ASIC1: variants seen among roughly 807,000 people sequenced by gnomAD.
The protein encoded by ASIC1 is acid sensing ion channel subunit 1.
A neutral mutation model predicts 63.4 loss-of-function variants in ASIC1; 21 were observed. The ratio of observed to expected loss-of-function variants is 0.33; its 90% CI spans 0.23 to 0.48. ASIC1 has a LOEUF of 0.48. Among genes scored for constraint, ASIC1 ranks in the 20% least tolerant of loss-of-function variants. The probability of loss-of-function intolerance (pLI) is 0.99; values close to 1 mark genes in which losing one functional copy is unlikely to be tolerated. For synonymous variants in ASIC1, 258 were observed against 278.2 expected (o/e 0.93, Z 0.72); for missense variants, 478 against 695.5 (o/e 0.69, Z 3.52).
chr12:50,073,479 G>T (rs2137833595), intron 3 of ASIC1: 1 of 1,429,028 alleles, frequency 7.0e-7, no homozygotes, highest in East Asian at 2.5e-5. Flanking sequence ...CTGACGGGCT[G>T]GGTGGCTGGC....
rs752201289 is a variant in ASIC1 at position 50,074,114 on chromosome 12, G to A, written c.559-3099G>A. On this transcript the variant is annotated intron_variant, in intron 3 of 11. Coordinates refer to ENST00000447966, the MANE Select transcript of ASIC1 (RefSeq NM_001095.4). The surrounding 1 kb of genome is among the most constrained non-coding windows in gnomAD (Gnocchi z 4.2). Reference sequence around the variant, plus strand: ...CCCGGGGTGCCCCTCGCTCCACCGGGCCCTGAGGCCTTCTCTGGGGAGCCC... The same window carrying A: ...CCCGGGGTGCCCCTCGCTCCACCGGACCCTGAGGCCTTCTCTGGGGAGCCC... The A allele has an allele frequency of 1.3e-4, 204 of 1,535,612 alleles. 1 individual carries two copies. The highest frequency in any genetic ancestry group is 8.3e-4 in the Middle Eastern group (5 of 6,006).
Position 50,078,815 on chromosome 12 carries a change from C to G in ASIC1, c.995-109C>G. On this transcript the variant is annotated intron_variant, in intron 6 of 11. Coordinates refer to ENST00000447966, the MANE Select transcript of ASIC1 (RefSeq NM_001095.4). The surrounding 1 kb of genome is among the most constrained non-coding windows in gnomAD (Gnocchi z 6.0). ...TGGGGCAGCATGGGGGCCTGCCAGT[C>G]CTCCCTTCCCATCTTCTCCCAGCTT... The G allele has an allele frequency of 7.2e-7, 1 of 1,390,666 alleles. No individual in the cohort carries two copies. The highest frequency in any genetic ancestry group is 1.0e-6 in the Non-Finnish European group (1 of 980,348). 86.1% of individuals were successfully genotyped at this position (1,390,666 alleles called of 1,614,324 possible).
chr12:50,078,880 C>G lies in ASIC1; in HGVS notation c.995-44C>G. ...TTTGGTACTACCACCATCACCAGAC[C>G]CCTTGAATTCCCATCCTGCATCATT... is the stretch of plus-strand genomic sequence containing the variant. On this transcript the variant is annotated intron_variant, in intron 6 of 11. Transcript: ENST00000447966. This position sits in a 1 kb window ranked among gnomAD's most constrained non-coding sequence, Gnocchi z 6.0. 6.3e-7 allele frequency: 1 copy of G among 1,593,552 alleles called. No individual in the cohort carries two copies. Among genetic ancestry groups the G allele is most frequent in the South Asian group, 1.1e-5 (1 of 90,624 alleles).
intron 3 of ASIC1, among the ~76,000 whole-genome samples, chr12:50,063,834 A>G (rs1390614540): frequency 6.6e-6 from 1 of 152,140 alleles, no homozygotes; most frequent in African/African-American, 2.4e-5. Context: ...AGCAAGAGCC[A>G]GGACTAGCAT....
chr12:50,062,963 G>A (rs529567679), intron 3 of ASIC1, among the ~76,000 whole-genome samples: 3 of 152,268 alleles, frequency 2.0e-5, no homozygotes, highest in South Asian at 2.1e-4. Flanking sequence ...GAAATCCTTC[G>A]GGACTGAAGA....
At chr12:50,081,048 G>C in intron 9 of ASIC1, 54 bp from the exon 10 acceptor site, 8 of 1,487,310 alleles carry the variant, frequency 5.4e-6, no homozygotes, top group Non-Finnish European at 7.3e-6. Context: ...AGTAAACCCT[G>C]CTGCCCCCAC....
intron 3 of ASIC1, among the ~76,000 whole-genome samples, chr12:50,060,908 T>C (rs1176691741): frequency 6.6e-6 from 1 of 152,200 alleles, no homozygotes; most frequent in African/African-American, 2.4e-5. Flanking sequence ...CTCAATCCCC[T>C]TGATACATAA....
intron 9 of ASIC1, chr12:50,080,795 G>A (rs1950707610): frequency 1.4e-6 from 2 of 1,404,604 alleles, no homozygotes; most frequent in Admixed American, 4.0e-5. Context: ...AGACAGGCCT[G>A]TGGGCATGAG....
chr12:50,062,124 G>T (rs1950506325), intron 3 of ASIC1, among the ~76,000 whole-genome samples: 1 of 152,136 alleles, frequency 6.6e-6, no homozygotes, highest in Admixed American at 6.5e-5. Flanking sequence ...CATGTCAAGA[G>T]CTCTACCCAT....
In ASIC1 at chr12:50,080,481, C is replaced by A; in HGVS notation, c.1206-17C>A. On this transcript the variant is annotated splice_polypyrimidine_tract_variant and intron_variant, in intron 8 of 11. Coordinates refer to ENST00000447966, the MANE Select transcript of ASIC1 (RefSeq NM_001095.4). ...ATATGACTTGAACCTAGGTCTCCTC[C>A]CCCAATCCCTGTGCAGGGAGAACAT... The A allele has an allele frequency of 6.2e-7, 1 of 1,612,530 alleles. No individual in the cohort carries two copies. Among genetic ancestry groups the A allele is most frequent in the South Asian group, 1.1e-5 (1 of 90,892 alleles).
intron 4 of ASIC1, 120 bp from the exon 5 acceptor site, chr12:50,077,879 TC>T (rs1302277019): frequency 1.4e-6 from 2 of 1,447,406 alleles, no homozygotes; most frequent in African/African-American, 2.8e-5. Context: ...CCTATAGACT[TC>T]CCCCACCCCA....
At chr12:50,073,860 G>A (rs1289861303) in intron 3 of ASIC1, 1 of 1,531,866 alleles carries the variant, frequency 6.5e-7, no homozygotes, top group Non-Finnish European at 8.7e-7. Flanking sequence ...AGGTGCTGTG[G>A]GCGGTGGCCT....
intron 3 of ASIC1, among the ~76,000 whole-genome samples, chr12:50,069,408 C>T (rs1261556631): frequency 6.6e-6 from 1 of 152,100 alleles, no homozygotes; most frequent in Non-Finnish European, 1.5e-5. Context: ...AGTCTCATGC[C>T]TCAGCCTCCC....
At chr12:50,081,223 GGGTCC>G in intron 10 of ASIC1, 32 bp from the exon 11 acceptor site, 6 of 1,605,522 alleles carry the variant, frequency 3.7e-6, no homozygotes, top group Non-Finnish European at 5.1e-6. Flanking sequence ...CGTGGGGGCG[GGGTCC>G]AGCCCGCCCA....
Position 50,081,332 on chromosome 12 carries a change from G to A in ASIC1, c.1450G>A (p.Val484Met). 3 of 1,609,836 alleles carry A rather than the reference G, an allele frequency of 1.9e-6. No homozygotes were observed. The highest frequency in any genetic ancestry group is 1.3e-5 in the African/African-American group (1 of 74,992). Residue 484 changes from valine (V) to methionine (M), a missense_variant, in exon 11 of 12, where the codon GTG (valine) becomes ATG (methionine). Coordinates refer to ENST00000447966, the MANE Select transcript of ASIC1 (RefSeq NM_001095.4). ...EAKRSSADKG[V>M]ALSLDDVKRH... ...CAAAAGGAGCAGTGCGGACAAGGGC[G>A]TGGCCCTCAGCCTGGACGACGTCAA... is the stretch of plus-strand genomic sequence containing the variant.
intron 3 of ASIC1, among the ~76,000 whole-genome samples, chr12:50,073,236 G>T (rs1038454945): frequency 6.6e-6 from 1 of 152,142 alleles, no homozygotes; most frequent in African/African-American, 2.4e-5. Flanking sequence ...GCTTTTCCAG[G>T]GTTTCCACTC....
At position 50,074,139 on chromosome 12, in the gene ASIC1, C is replaced by G. The variant is rs562793859; in HGVS notation, c.559-3074C>G. 191 of 1,535,694 alleles carry G rather than the reference C, an allele frequency of 1.2e-4. 4 individuals carry two copies. The South Asian group carries it at 1.7e-3, about 14-fold the overall frequency. ...GCCCTGAGGCCTTCTCTGGGGAGCCCTTTAACCTGCACCGCTTCTACAATC... is the reference window on the plus strand; with the variant it reads ...GCCCTGAGGCCTTCTCTGGGGAGCCGTTTAACCTGCACCGCTTCTACAATC... On this transcript the variant is annotated intron_variant, in intron 3 of 11. Transcript: ENST00000447966. This position sits in a 1 kb window ranked among gnomAD's most constrained non-coding sequence, Gnocchi z 4.2.
chr12:50,064,499 A>G (rs919230616), intron 3 of ASIC1, among the ~76,000 whole-genome samples: 1 of 152,070 alleles, frequency 6.6e-6, no homozygotes, highest in Admixed American at 6.6e-5. Context: ...GCTAAGAACT[A>G]CTCTAAGCTA....
At chr12:50,062,874 C>T (rs1174370170) in intron 3 of ASIC1, among the ~76,000 whole-genome samples, 2 of 152,160 alleles carry the variant, frequency 1.3e-5, no homozygotes, top group East Asian at 3.9e-4. Flanking sequence ...GGGTCCATCC[C>T]CCAGGTGTGG....
Sources: allele counts gnomAD v4.1 joint callset (sites outside exome capture counted in the v4.1 genomes callset), GRCh38; gene constraint gnomAD v4.1.1; non-coding constraint Gnocchi (gnomAD v3.1); transcripts MANE v1.5; gene names NCBI Gene and HGNC (gene_info 2026-07-23, HGNC 2026-07-21).